SLC30A6: variants seen among roughly 807,000 people sequenced by gnomAD.
SLC30A6 encodes the protein zinc transporter 6.
Under a neutral mutation model 63.0 loss-of-function variants are expected in SLC30A6, and 55 were observed. The observed-to-expected ratio is 0.87, with a 90% CI of 0.70 to 1.09. The LOEUF (loss-of-function observed/expected upper bound fraction) is 1.09. Ranked by LOEUF, SLC30A6 falls within the 50% of genes least tolerant of loss-of-function variation. The pLI is 0.00. For synonymous variants in SLC30A6, 224 were observed against 186.1 expected (o/e 1.20, Z -1.66); for missense variants, 587 against 549.2 (o/e 1.07, Z -0.69).
intron 10 of SLC30A6, chr2:32,202,635 T>C (rs1400990361): frequency 3.6e-6 from 2 of 554,010 alleles, no homozygotes; most frequent in Non-Finnish European, 3.4e-6. Flanking sequence ...CCAGCTCTGA[T>C]TGGATCTTTC....
chr2:32,205,278 G>C (rs915220499), intron 11 of SLC30A6, among the ~76,000 whole-genome samples: 1 of 152,064 alleles, frequency 6.6e-6, no homozygotes, highest in Non-Finnish European at 1.5e-5. Context: ...AAAATTAGCT[G>C]GGCGTGGTGG....
rs1203138629 is a variant in SLC30A6 at position 32,221,217 on chromosome 2, TGG to T, written c.*505_*506del. On this transcript the variant is annotated 3_prime_UTR_variant, in exon 14 of 14. Coordinates refer to ENST00000282587, the MANE Select transcript of SLC30A6 (RefSeq NM_017964.5). ...CTCTGTCGCCCAGGCTGGAATGCAGTGGCATGATCTCAGCTCACTGCAACCTC... is the reference window on the plus strand; with the variant it reads ...CTCTGTCGCCCAGGCTGGAATGCAGTCATGATCTCAGCTCACTGCAACCTC... 5.3e-6 allele frequency: 1 copy of T among 186,968 alleles called. No individual in the cohort carries two copies. The highest frequency in any genetic ancestry group is 2.4e-5 in the African/African-American group (1 of 41,882). The allele number at this position is 186,968 out of a possible 1,614,324, so 11.6% of individuals were successfully genotyped here.
intron 10 of SLC30A6, chr2:32,202,671 G>T: frequency 1.6e-6 from 1 of 636,542 alleles, no homozygotes; most frequent in East Asian, 3.3e-5. Context: ...TGTGCTTGAT[G>T]AAGTGGATCA....
chr2:32,208,998 G>A (rs1390247728), intron 12 of SLC30A6, among the ~76,000 whole-genome samples: 1 of 152,142 alleles, frequency 6.6e-6, no homozygotes, highest in Non-Finnish European at 1.5e-5. Flanking sequence ...TGTGTCCTGT[G>A]CAACTGTACC....
intron 10 of SLC30A6, among the ~76,000 whole-genome samples, chr2:32,198,835 C>T (rs749549533): frequency 2.6e-5 from 4 of 152,148 alleles, no homozygotes; most frequent in African/African-American, 4.8e-5. Flanking sequence ...CCACCTGCCT[C>T]GGTGGCTCAT....
At chr2:32,182,834 T>A (rs1211054623) in intron 4 of SLC30A6, among the ~76,000 whole-genome samples, 1 of 152,148 alleles carries the variant, frequency 6.6e-6, no homozygotes, top group Non-Finnish European at 1.5e-5. Context: ...AGGTTACATG[T>A]GTCAGGTGCC....
At chr2:32,202,231 A>T in intron 10 of SLC30A6, 1 of 793,124 alleles carries the variant, frequency 1.3e-6, no homozygotes, top group South Asian at 1.8e-5. Flanking sequence ...ATATGAAGGA[A>T]AAGATTTAAT....
intron 12 of SLC30A6, among the ~76,000 whole-genome samples, chr2:32,207,402 A>G (rs1459474599): frequency 6.7e-6 from 1 of 149,388 alleles, no homozygotes; most frequent in Non-Finnish European, 1.5e-5. Context: ...TTTGAGACAG[A>G]GTCTTGCTCT....
intron 5 of SLC30A6, among the ~76,000 whole-genome samples, chr2:32,190,275 A>T (rs964197768): frequency 6.6e-6 from 1 of 152,098 alleles, no homozygotes; most frequent in Admixed American, 6.6e-5. Context: ...CCTGACCAAC[A>T]TGGTGAAACC....
In SLC30A6 at chr2:32,221,857, TTATC is replaced by T. The variant is rs1464309394; in HGVS notation, c.*1146_*1149del. 2 of 152,172 alleles carry T rather than the reference TTATC, an allele frequency of 1.3e-5. No individual in the cohort carries two copies. The highest frequency in any genetic ancestry group is 2.9e-5 in the Non-Finnish European group (2 of 68,012). The allele number at this position is 152,172 out of a possible 1,614,324, so 9.4% of individuals were successfully genotyped here. A position where few individuals can be genotyped will look rare whatever the true frequency, so the allele number is the denominator to read the frequency against. ...TTAATCAAATACTGACATAATGAAT[TTATC>T]TTTCCTGACACATTTTCATTCATTG... On this transcript the variant is annotated 3_prime_UTR_variant, in exon 14 of 14. Coordinates refer to ENST00000282587, the MANE Select transcript of SLC30A6 (RefSeq NM_017964.5).
Position 32,221,284 on chromosome 2 carries a change from C to T in SLC30A6, c.*571C>T, listed in dbSNP as rs142581037. On this transcript the variant is annotated 3_prime_UTR_variant, in exon 14 of 14. Transcript: ENST00000282587. ...AAATGATTCTCCTGCCTCAGCCTCC[C>T]GAGTAGCTGGGATTACAGGCACCTG... 71 of 153,714 alleles carry T rather than the reference C, an allele frequency of 4.6e-4. 2 individuals carry two copies. The East Asian group carries it at 0.013, about 27-fold the overall frequency. 9.5% of individuals were successfully genotyped at this position (153,714 alleles called of 1,614,324 possible).
chr2:32,193,582 T>A (rs1683528330), intron 7 of SLC30A6, among the ~76,000 whole-genome samples: 1 of 152,196 alleles, frequency 6.6e-6, no homozygotes, highest in African/African-American at 2.4e-5. Flanking sequence ...TTCCACAAAG[T>A]CTGACTTGTC....
chr2:32,205,864 C>G (rs1684723629), intron 11 of SLC30A6, among the ~76,000 whole-genome samples: 1 of 151,608 alleles, frequency 6.6e-6, no homozygotes, highest in Non-Finnish European at 1.5e-5. Flanking sequence ...GCTGGGGTTT[C>G]ACTACATTGA....
chr2:32,170,331 GA>G lies in SLC30A6; in HGVS notation c.4-955del, dbSNP rs1681088038. Reference sequence around the variant, plus strand: ...TGACTGGCTTATATTTTCTCCCAGTGATATTGGATACTGCTTTTCTCATAAG... The same window carrying G: ...TGACTGGCTTATATTTTCTCCCAGTGTATTGGATACTGCTTTTCTCATAAG... On this transcript the variant is annotated intron_variant, in intron 1 of 13. Transcript: ENST00000282587. Among the ~76,000 whole-genome samples the G allele has an allele frequency of 3.3e-5, 5 of 152,146 alleles. No individual in the cohort carries two copies. The South Asian group carries it at 1.0e-3, about 31-fold the overall frequency.
At chr2:32,205,662 CTTT>C (rs745414068) in intron 11 of SLC30A6, among the ~76,000 whole-genome samples, 2 of 87,196 alleles carry the variant, frequency 2.3e-5, no homozygotes, top group Admixed American at 1.5e-4. Flanking sequence ...AATGTTACTT[CTTT>C]TTTTTTTTTT....
chr2:32,190,944 C>G (rs1043776354), intron 5 of SLC30A6, among the ~76,000 whole-genome samples: 2 of 152,116 alleles, frequency 1.3e-5, no homozygotes, highest in African/African-American at 4.8e-5. Context: ...TTATGTGCCA[C>G]ATTTTTCACA....
chr2:32,190,652 A>G (rs1683246175), intron 5 of SLC30A6, among the ~76,000 whole-genome samples: 1 of 151,986 alleles, frequency 6.6e-6, no homozygotes, highest in Non-Finnish European at 1.5e-5. Flanking sequence ...TATGGTGTGA[A>G]GCAGGAGTAA....
chr2:32,215,518 T>TATATATATA (rs66665816), intron 13 of SLC30A6, among the ~76,000 whole-genome samples: 39 of 93,272 alleles, frequency 4.2e-4, no homozygotes, highest in African/African-American at 1.8e-3. Flanking sequence ...ATATATATAT[T>TATATATATA]TTTTTTTTTT....
chr2:32,169,926 G>A (rs1220898909), intron 1 of SLC30A6, among the ~76,000 whole-genome samples: 1 of 152,212 alleles, frequency 6.6e-6, no homozygotes, highest in African/African-American at 2.4e-5. Flanking sequence ...TTATAAATGT[G>A]TAACTTTTAA....
Sources: gnomAD v4.1 joint callset for allele counts (sites outside exome capture counted in the v4.1 genomes callset) on GRCh38, gnomAD v4.1.1 for gene constraint, MANE v1.5 for transcripts, NCBI Gene and HGNC (gene_info 2026-07-23, HGNC 2026-07-21) for gene names.